The following WIPF3 variants were observed in gnomAD, a reference collection of about 807,000 sequenced individuals.
WIPF3 encodes the protein WAS/WASL interacting protein family member 3, also known as WAS/WASL-interacting protein family member 3.
A neutral mutation model predicts 38.9 loss-of-function variants in WIPF3; 33 were observed. The ratio of observed to expected loss-of-function variants is 0.85; its 90% CI spans 0.64 to 1.14. The LOEUF (loss-of-function observed/expected upper bound fraction) is 1.14. Among genes scored for constraint, WIPF3 ranks in the 50% most tolerant of loss-of-function variants. WIPF3 has a pLI of 0.00. For missense variants in WIPF3, 711 were observed against 652.5 expected, an observed-to-expected ratio of 1.09 and a Z score of -0.98; for synonymous variants, 324 against 269.3, an observed-to-expected ratio of 1.20 and a Z score of -1.99.
chr7:29,905,349 C>T (rs777009153), intron 8 of WIPF3: 8 of 152,112 alleles, frequency 5.3e-5, no homozygotes, highest in African/African-American at 1.9e-4. Context: ...ATATTGTTAA[C>T]AGGTAGAGAG....
intron 1 of WIPF3, among the ~76,000 whole-genome samples, chr7:29,816,298 TTTA>T (rs1018171140): frequency 8.6e-5 from 13 of 151,862 alleles, no homozygotes; most frequent in East Asian, 3.9e-4. Flanking sequence ...TACTCGTTCT[TTTA>T]TTATTATTAT....
chr7:29,864,828 A>G (rs758345977), intron 2 of WIPF3, among the ~76,000 whole-genome samples: 1 of 152,150 alleles, frequency 6.6e-6, no homozygotes, highest in Non-Finnish European at 1.5e-5. Flanking sequence ...CTTGCTCAGA[A>G]TGTGTTCCAT....
At position 29,845,201 on chromosome 7, in the gene WIPF3, G is replaced by A. The variant is rs141658209; in HGVS notation, c.90+10387G>A. 1.0e-3 allele frequency among the ~76,000 whole-genome samples: 158 copies of A among 152,260 alleles called. 3 individuals carry two copies. The Middle Eastern group carries it at 0.014, about 13-fold the overall frequency. On this transcript the variant is annotated intron_variant, in intron 2 of 8. Transcript: ENST00000242140. ...GAGAATCAGCATGGAAAAAGAAGAT[G>A]CAGTGCAAAGGAACTCGGTTTTGTT... is the stretch of plus-strand genomic sequence containing the variant.
intron 1 of WIPF3, among the ~76,000 whole-genome samples, chr7:29,816,655 G>C (rs1784463053): frequency 6.6e-6 from 1 of 152,016 alleles, no homozygotes. Context: ...ATTTTCTGCT[G>C]CCTGCTTTTT....
At chr7:29,866,280 G>C (rs1367063066) in intron 2 of WIPF3, among the ~76,000 whole-genome samples, 1 of 152,166 alleles carries the variant, frequency 6.6e-6, no homozygotes, top group Non-Finnish European at 1.5e-5. Flanking sequence ...CATTACCTTT[G>C]TCTCCTTTCA....
At chr7:29,857,840 C>T (rs897829154) in intron 2 of WIPF3, among the ~76,000 whole-genome samples, 3 of 152,180 alleles carry the variant, frequency 2.0e-5, no homozygotes, top group Admixed American at 6.5e-5. Flanking sequence ...AGTTCCTGTA[C>T]ACCCACTGCT....
chr7:29,908,069 A>C (rs1359982331), intron 8 of WIPF3, among the ~76,000 whole-genome samples: 1 of 152,188 alleles, frequency 6.6e-6, no homozygotes. Context: ...AGATTGGCAG[A>C]ATGGATTTTT....
At chr7:29,870,642 CA>C (rs36022218) in intron 2 of WIPF3, among the ~76,000 whole-genome samples, 3 of 151,894 alleles carry the variant, frequency 2.0e-5, no homozygotes, top group South Asian at 4.2e-4. Context: ...CTCATAGCCC[CA>C]AAAAAAGACC....
intron 5 of WIPF3, among the ~76,000 whole-genome samples, chr7:29,885,332 T>C (rs174968): frequency 0.48 from 73,089 of 152,050 alleles, 18,077 homozygotes; most frequent in East Asian, 0.83. Flanking sequence ...CGTCCACAGA[T>C]ACACCCACAT....
intron 7 of WIPF3, among the ~76,000 whole-genome samples, chr7:29,898,305 C>T (rs1183387454): frequency 6.6e-6 from 1 of 152,206 alleles, no homozygotes; most frequent in Non-Finnish European, 1.5e-5. Context: ...ACTCCTGCAT[C>T]CAACTTACCA....
At chr7:29,913,081 T>G (rs1292785162) in intron 8 of WIPF3, among the ~76,000 whole-genome samples, 1 of 148,770 alleles carries the variant, frequency 6.7e-6, no homozygotes, top group African/African-American at 2.5e-5. Flanking sequence ...GTGTGGTGGC[T>G]CATGCCTGTA....
intron 2 of WIPF3, among the ~76,000 whole-genome samples, chr7:29,860,749 A>G (rs554726634): frequency 2.0e-5 from 3 of 152,348 alleles, no homozygotes; most frequent in African/African-American, 7.2e-5. Context: ...TAGTAGAACT[A>G]GAAAGGATGG....
chr7:29,896,751 A>G (rs1229217760), intron 7 of WIPF3, among the ~76,000 whole-genome samples: 1 of 152,242 alleles, frequency 6.6e-6, no homozygotes, highest in Non-Finnish European at 1.5e-5. Flanking sequence ...GTATTTTACA[A>G]CAATAAAAAG....
At chr7:29,809,651 T>C (rs113833370) in intron 1 of WIPF3, among the ~76,000 whole-genome samples, 7,467 of 152,300 alleles carry the variant, frequency 0.049, 630 homozygotes, top group African/African-American at 0.17. Flanking sequence ...CTTCAGCCAG[T>C]AGGGCACTTG....
intron 4 of WIPF3, 146 bp from the exon 5 acceptor site, chr7:29,883,704 T>G: frequency 3.4e-6 from 4 of 1,188,268 alleles, no homozygotes; most frequent in Non-Finnish European, 3.3e-6. Flanking sequence ...CTGTGGCACC[T>G]GAGGCCTCTC....
At chr7:29,907,744 C>T (rs75520782) in intron 8 of WIPF3, among the ~76,000 whole-genome samples, 2,991 of 152,268 alleles carry the variant, frequency 0.02, 33 homozygotes, top group South Asian at 0.058. Context: ...TTGGACTTCC[C>T]AGCCTCTACA....
At chr7:29,872,540 TC>T (rs991593656) in intron 2 of WIPF3, among the ~76,000 whole-genome samples, 15 of 152,160 alleles carry the variant, frequency 9.9e-5, no homozygotes, top group African/African-American at 3.4e-4. Flanking sequence ...ACGCCTGTAA[TC>T]CCAGCACTTT....
At chr7:29,910,169 C>G (rs1476345307) in intron 8 of WIPF3, among the ~76,000 whole-genome samples, 1 of 152,010 alleles carries the variant, frequency 6.6e-6, no homozygotes, top group Non-Finnish European at 1.5e-5. Context: ...CATTGCATAC[C>G]TGTATCAAAA....
At chr7:29,815,389 C>T in intron 1 of WIPF3, among the ~76,000 whole-genome samples, 1 of 152,202 alleles carries the variant, frequency 6.6e-6, no homozygotes, top group East Asian at 1.9e-4. Context: ...TAGAAATTTG[C>T]CTGCGGACAT....
Sources: allele counts gnomAD v4.1 joint callset (sites outside exome capture counted in the v4.1 genomes callset), GRCh38; gene constraint gnomAD v4.1.1; transcripts MANE v1.5; gene names NCBI Gene and HGNC (gene_info 2026-07-23, HGNC 2026-07-21).